ELF1: variants seen among roughly 807,000 people sequenced by gnomAD.
ELF1 encodes the protein ETS-related transcription factor Elf-1.
ELF1 carries 24 observed loss-of-function variants against 59.9 expected under a neutral mutation model. The observed-to-expected ratio is 0.40, with a 90% CI of 0.29 to 0.56. ELF1 has a LOEUF of 0.56. ELF1 is among the 20% of genes least tolerant of loss of function. The pLI is 0.44. For synonymous variants in ELF1, 248 were observed against 266.2 expected (o/e 0.93, Z 0.67); for missense variants, 627 against 742.2 (o/e 0.84, Z 1.80).
intron 1 of ELF1, among the ~76,000 whole-genome samples, chr13:41,050,982 CTTTGT>C (rs1383145824): frequency 1.3e-5 from 2 of 152,170 alleles, no homozygotes; most frequent in African/African-American, 2.4e-5. Flanking sequence ...TTATATTCTG[CTTTGT>C]TTTGTTTTAA....
At chr13:40,955,342 C>G (rs1426520205) in intron 3 of ELF1, among the ~76,000 whole-genome samples, 1 of 145,196 alleles carries the variant, frequency 6.9e-6, no homozygotes, top group Non-Finnish European at 1.5e-5. Flanking sequence ...TAGCCCCCCA[C>G]CCGGCCAGCC....
intron 1 of ELF1, among the ~76,000 whole-genome samples, chr13:41,005,429 C>T (rs533305123): frequency 6.9e-6 from 1 of 145,102 alleles, no homozygotes; most frequent in Non-Finnish European, 1.5e-5. Flanking sequence ...GACCCTCCCC[C>T]CAACCTCTGC....
intron 1 of ELF1, among the ~76,000 whole-genome samples, chr13:40,994,771 A>C (rs1182496937): frequency 6.6e-6 from 1 of 152,230 alleles, no homozygotes; most frequent in Admixed American, 6.5e-5. Context: ...GCAGTTAAAA[A>C]AATTTCTCTC....
chr13:41,043,808 C>T (rs1876726356), intron 1 of ELF1, among the ~76,000 whole-genome samples: 1 of 152,112 alleles, frequency 6.6e-6, no homozygotes. Context: ...ACCATATGAA[C>T]TTTAAAGTAG....
intron 1 of ELF1, among the ~76,000 whole-genome samples, chr13:41,040,704 G>A (rs1315525656): frequency 1.3e-5 from 2 of 152,176 alleles, no homozygotes; most frequent in African/African-American, 4.8e-5. Flanking sequence ...AGACAGTAAT[G>A]CTCGCTCATC....
rs77440039 is a variant in ELF1 at position 40,957,880 on chromosome 13, T to C, written c.253+956A>G. 1.3e-3 allele frequency among the ~76,000 whole-genome samples: 203 copies of C among 152,344 alleles called. 1 individual carries two copies. In the East Asian group the frequency reaches 0.013, roughly 10 times the overall value. ...TTTAAAACATTACTGTATCATATGT[T>C]AACTTCCTAAATAGATCAGAACCCG... On this transcript the variant is annotated intron_variant, in intron 3 of 8. Coordinates refer to ENST00000239882, the MANE Select transcript of ELF1 (RefSeq NM_172373.4).
At chr13:40,979,988 A>G (rs917105728) in intron 2 of ELF1, among the ~76,000 whole-genome samples, 2 of 152,174 alleles carry the variant, frequency 1.3e-5, no homozygotes, top group African/African-American at 4.8e-5. Context: ...GTAGAGCCCC[A>G]GGTTAGGTAA....
chr13:40,955,359 T>A (rs1250348051), intron 3 of ELF1, among the ~76,000 whole-genome samples: 2 of 136,932 alleles, frequency 1.5e-5, no homozygotes, highest in African/African-American at 2.8e-5. Context: ...AGCCGCCCCA[T>A]CCGGGAGGGA....
chr13:41,031,568 C>T (rs1464006579), intron 1 of ELF1, among the ~76,000 whole-genome samples: 1 of 151,960 alleles, frequency 6.6e-6, no homozygotes, highest in Non-Finnish European at 1.5e-5. Context: ...GACTGTAATC[C>T]CAGCACTTTG....
At position 40,933,299 on chromosome 13, in the gene ELF1, T is replaced by G; in HGVS notation, c.*126A>C. The G allele has an allele frequency of 8.0e-7, 1 of 1,248,910 alleles. No homozygotes were observed. The highest frequency in any genetic ancestry group is 1.1e-6 in the Non-Finnish European group (1 of 926,038). 77.4% of individuals were successfully genotyped at this position (1,248,910 alleles called of 1,614,324 possible). A position where few individuals can be genotyped will look rare whatever the true frequency, so the allele number is the denominator to read the frequency against. On this transcript the variant is annotated 3_prime_UTR_variant, in exon 9 of 9. Transcript: ENST00000239882. ...CCTCCCTCATCTAACAAAGTCAAAA[T>G]TAACTCTATTTTTAACAATTACAAA...
At chr13:40,965,333 A>T (rs1872108383) in intron 2 of ELF1, among the ~76,000 whole-genome samples, 1 of 152,210 alleles carries the variant, frequency 6.6e-6, no homozygotes, top group Non-Finnish European at 1.5e-5. Context: ...TAAGAAATGA[A>T]GGTGTTGGCC....
chr13:40,981,563 T>C (rs1364541811), intron 2 of ELF1, among the ~76,000 whole-genome samples: 1 of 152,140 alleles, frequency 6.6e-6, no homozygotes, highest in Non-Finnish European at 1.5e-5. Context: ...TGCTTTGGAC[T>C]GAAATGATGT....
chr13:41,031,840 A>AG (rs1491247112), intron 1 of ELF1, among the ~76,000 whole-genome samples: 5 of 143,484 alleles, frequency 3.5e-5, no homozygotes, highest in African/African-American at 1.2e-4. Context: ...AAAAAAAAAA[A>AG]GTCTCCTCAT....
chr13:40,933,765 AC>A lies in ELF1; in HGVS notation c.1519del (p.Val507SerfsTer29). 1 of 1,614,260 alleles carries A rather than the reference AC, an allele frequency of 6.2e-7. No individual in the cohort carries two copies. Among genetic ancestry groups the A allele is most frequent in the Non-Finnish European group, 8.5e-7 (1 of 1,180,052 alleles). On this transcript the variant is annotated frameshift_variant, in exon 9 of 9. Transcript: ENST00000239882. LOFTEE classifies it high-confidence loss of function. ...AATGGTCTGAACATTGCTAGTAAGG[AC>A]CTGCTGAACCTGGGCAGGGCCCAAG... ...IVLGPAQVQQ[V>X]LTSNVQTICN... is the part of the protein sequence containing the mutation.
chr13:40,967,603 A>G (rs981663207), intron 2 of ELF1, among the ~76,000 whole-genome samples: 3 of 152,004 alleles, frequency 2.0e-5, no homozygotes, highest in Non-Finnish European at 2.9e-5. Context: ...TTTTGTTTTT[A>G]TTTTTTTGAG....
At chr13:40,966,413 C>T (rs978789663) in intron 2 of ELF1, among the ~76,000 whole-genome samples, 1 of 152,128 alleles carries the variant, frequency 6.6e-6, no homozygotes, top group African/African-American at 2.4e-5. Flanking sequence ...AAAATTCAAA[C>T]CAAGTTTTAG....
Position 40,958,845 on chromosome 13 carries a change from T to A in ELF1, c.244A>T (p.Thr82Ser). ...ATGGAGACACACGCACCTGTAAGGGTGATGTCATCATCATCATCGTCTATG... is the reference window on the plus strand; with the variant it reads ...ATGGAGACACACGCACCTGTAAGGGAGATGTCATCATCATCATCGTCTATG... ...EIIDDDDDDI[T>S]LTVEASCHDG... The change falls in exon 3 of 9, where the codon ACC becomes TCC. Residue 82 changes from threonine to serine, a missense_variant. Physicochemically the swap from Thr to Ser is moderately conservative, Grantham distance 58. Transcript: ENST00000239882. 6.2e-7 allele frequency: 1 copy of A among 1,610,576 alleles called. No homozygotes were observed. Among genetic ancestry groups the A allele is most frequent in the Non-Finnish European group, 8.5e-7 (1 of 1,177,986 alleles).
rs9566635 is a variant in ELF1 at position 40,954,754 on chromosome 13, A to C, written c.254-3318T>G. Among the ~76,000 whole-genome samples the C allele has an allele frequency of 2.1e-4, 32 of 149,608 alleles. No individual in the cohort carries two copies. The East Asian group carries it at 5.3e-3, about 25-fold the overall frequency. The stretch of plus-strand genomic sequence containing the variant: ...CGGAGTCGCGTTCACTCAGTGCTCA[A>C]TGGTGCCCAGGCTGGAGTGCAGTGG... On this transcript the variant is annotated intron_variant, in intron 3 of 8. Coordinates refer to ENST00000239882, the MANE Select transcript of ELF1 (RefSeq NM_172373.4).
chr13:41,051,360 G>A (rs1355333838), intron 1 of ELF1, among the ~76,000 whole-genome samples: 1 of 151,680 alleles, frequency 6.6e-6, no homozygotes, highest in Admixed American at 6.6e-5. Context: ...CCCAATTCAT[G>A]CGCTGGGACA....
Sources: gnomAD v4.1 joint callset for allele counts (sites outside exome capture counted in the v4.1 genomes callset) on GRCh38, gnomAD v4.1.1 for gene constraint, MANE v1.5 for transcripts, NCBI Gene and HGNC (gene_info 2026-07-23, HGNC 2026-07-21) for gene names.